HHIP: variants seen among roughly 807,000 people sequenced by gnomAD.
HHIP encodes the protein hedgehog-interacting protein.
HHIP carries 12 observed loss-of-function variants against 74.0 expected under a neutral mutation model. The ratio of observed to expected loss-of-function variants is 0.16; its 90% confidence interval spans 0.10 to 0.26. The LOEUF (loss-of-function observed/expected upper bound fraction) is 0.26, where lower values mean the gene tolerates loss of function less well. Ranked by LOEUF, HHIP falls within the 10% of genes least tolerant of loss-of-function variation. The pLI, the probability that HHIP is intolerant of heterozygous loss-of-function variation, is 1.00. For synonymous variants in HHIP, 309 were observed against 311.6 expected, an observed-to-expected ratio of 0.99 and a Z score of 0.09; for missense variants, 788 against 845.0, an observed-to-expected ratio of 0.93 and a Z score of 0.84.
At chr4:144,699,564 G>A (rs1158747368) in intron 4 of HHIP, among the ~76,000 whole-genome samples, 2 of 152,086 alleles carry the variant, frequency 1.3e-5, no homozygotes, top group African/African-American at 2.4e-5. Flanking sequence ...TAATCACATG[G>A]TGGGTTCCTC....
chr4:144,738,595 T>C lies in HHIP; in HGVS notation c.*638T>C. ...TGTTTTCAAGTGTTTTATAATTAAA[T>C]CATAATAGCATATTTTAAAATCAAT... On this transcript the variant is annotated 3_prime_UTR_variant, in exon 13 of 13. Coordinates refer to ENST00000296575, the MANE Select transcript of HHIP (RefSeq NM_022475.3). 1 of 750,652 alleles carries C rather than the reference T, an allele frequency of 1.3e-6. No homozygotes were observed. The highest frequency in any genetic ancestry group is 1.6e-6 in the Non-Finnish European group (1 of 615,752). The allele number at this position is 750,652 out of a possible 1,614,324, so 46.5% of individuals were successfully genotyped here.
chr4:144,700,094 T>C (rs1388258465), intron 4 of HHIP, among the ~76,000 whole-genome samples: 1 of 152,218 alleles, frequency 6.6e-6, no homozygotes, highest in Non-Finnish European at 1.5e-5. Flanking sequence ...ACTTAATTCA[T>C]ACGTGAAAGT....
chr4:144,697,650 AAATAGTAATATG>A (rs1394937236), intron 4 of HHIP, among the ~76,000 whole-genome samples: 8 of 152,216 alleles, frequency 5.3e-5, no homozygotes, highest in African/African-American at 1.4e-4. Flanking sequence ...CCTGGGGAGG[AAATAGTAATATG>A]AACATAATAA....
At chr4:144,725,074 G>A (rs1248003927) in intron 11 of HHIP, among the ~76,000 whole-genome samples, 1 of 152,080 alleles carries the variant, frequency 6.6e-6, no homozygotes, top group Non-Finnish European at 1.5e-5. Flanking sequence ...CTAGAAGTCT[G>A]ATATTAGTCC....
intron 12 of HHIP, among the ~76,000 whole-genome samples, chr4:144,736,222 A>T (rs1578734465): frequency 7.3e-6 from 1 of 136,760 alleles, no homozygotes; most frequent in Non-Finnish European, 1.5e-5. Flanking sequence ...CACAACCTCC[A>T]CCTCCTGGGT....
chr4:144,665,224 A>G (rs548641000), intron 4 of HHIP, among the ~76,000 whole-genome samples: 21 of 152,180 alleles, frequency 1.4e-4, no homozygotes, highest in African/African-American at 5.1e-4. Context: ...ATGTGCCACA[A>G]TGCCTGGCTA....
intron 11 of HHIP, among the ~76,000 whole-genome samples, chr4:144,724,633 T>C (rs558553565): frequency 2.0e-5 from 3 of 148,776 alleles, no homozygotes; most frequent in Non-Finnish European, 4.5e-5. Flanking sequence ...GGTGAGAACA[T>C]ATATCAGTCT....
intron 4 of HHIP, among the ~76,000 whole-genome samples, chr4:144,691,896 GA>G (rs10709525): frequency 0.049 from 7,257 of 149,188 alleles, 447 homozygotes; most frequent in East Asian, 0.24. Flanking sequence ...TACCAAAATA[GA>G]AAAAAAAAAT....
At chr4:144,663,069 T>A (rs904553183) in intron 4 of HHIP, among the ~76,000 whole-genome samples, 1 of 152,142 alleles carries the variant, frequency 6.6e-6, no homozygotes, top group African/African-American at 2.4e-5. Context: ...GAGGATTACT[T>A]GAAGTCAGAA....
chr4:144,678,706 T>C (rs1729242390), intron 4 of HHIP, among the ~76,000 whole-genome samples: 3 of 152,208 alleles, frequency 2.0e-5, no homozygotes, highest in Non-Finnish European at 2.9e-5. Flanking sequence ...TCCATGTCCC[T>C]GCAAAGGACA....
At chr4:144,711,919 G>T in intron 7 of HHIP, 31 bp from the exon 8 acceptor site, 1 of 1,603,914 alleles carries the variant, frequency 6.2e-7, no homozygotes. Context: ...ATCACGGTAG[G>T]AATTAATGTG....
chr4:144,738,007 CCTGTCATT>C lies in HHIP; in HGVS notation c.*51_*58del. The C allele has an allele frequency of 1.4e-6, 2 of 1,446,230 alleles. No homozygotes were observed. Among genetic ancestry groups the C allele is most frequent in the Admixed American group, 4.7e-5 (2 of 42,334 alleles). 89.6% of individuals were successfully genotyped at this position (1,446,230 alleles called of 1,614,324 possible). On this transcript the variant is annotated 3_prime_UTR_variant, in exon 13 of 13. Transcript: ENST00000296575. Reference sequence around the variant, plus strand: ...ATTCCAATGGGCATTTATTTTTTATCCTGTCATTAAAAAAAAAAGACTGTTATCCTGCT... The same window carrying C: ...ATTCCAATGGGCATTTATTTTTTATCAAAAAAAAAAGACTGTTATCCTGCT...
intron 4 of HHIP, among the ~76,000 whole-genome samples, chr4:144,700,981 G>A (rs889503848): frequency 3.3e-5 from 5 of 152,062 alleles, no homozygotes; most frequent in Non-Finnish European, 7.4e-5. Flanking sequence ...GCATGAGAGG[G>A]TCCCATTTTA....
rs375362986 is a variant in HHIP at position 144,688,361 on chromosome 4, G to C, written c.832-18170G>C. On this transcript the variant is annotated intron_variant, in intron 4 of 12. Coordinates refer to ENST00000296575, the MANE Select transcript of HHIP (RefSeq NM_022475.3). ...GGCTTGCTAGAAGAGTCCCAGCGGT[G>C]CTGGTGCTTCTATAGAATTAATTGG... 4.1e-4 allele frequency among the ~76,000 whole-genome samples: 63 copies of C among 152,242 alleles called. 1 individual carries two copies. In the South Asian group the frequency reaches 0.01, roughly 25 times the overall value.
intron 9 of HHIP, 64 bp from the exon 10 acceptor site, chr4:144,715,236 C>T (rs1730412868): frequency 6.8e-7 from 1 of 1,474,528 alleles, no homozygotes; most frequent in Non-Finnish European, 9.4e-7. Context: ...TTTTAAACAT[C>T]TTATTGTCAT....
At chr4:144,664,369 G>A (rs6825848) in intron 4 of HHIP, among the ~76,000 whole-genome samples, 55,024 of 152,100 alleles carry the variant, frequency 0.36, 11,317 homozygotes, top group South Asian at 0.52. Flanking sequence ...GAAGCCTCTG[G>A]TTTCACAGGC....
intron 11 of HHIP, among the ~76,000 whole-genome samples, chr4:144,725,301 C>T (rs1169618642): frequency 2.0e-5 from 3 of 152,118 alleles, no homozygotes; most frequent in Admixed American, 2.0e-4. Context: ...AAATTTGTTA[C>T]TTAAATGACT....
chr4:144,703,079 G>A (rs1025201529), intron 4 of HHIP, among the ~76,000 whole-genome samples: 2 of 151,996 alleles, frequency 1.3e-5, no homozygotes, highest in African/African-American at 2.4e-5. Context: ...GCTGGGCATG[G>A]TGCAAGTGCC....
At chr4:144,663,270 G>A (rs573610401) in intron 4 of HHIP, among the ~76,000 whole-genome samples, 1 of 152,198 alleles carries the variant, frequency 6.6e-6, no homozygotes, top group East Asian at 1.9e-4. Context: ...CTCTAGCCTA[G>A]GCAACAGAGC....
Sources: allele counts gnomAD v4.1 joint callset (sites outside exome capture counted in the v4.1 genomes callset), GRCh38; gene constraint gnomAD v4.1.1; transcripts MANE v1.5; gene names NCBI Gene and HGNC (gene_info 2026-07-23, HGNC 2026-07-21).